Variants in IMPACT observed in about 807,000 individuals in gnomAD.
IMPACT encodes the protein impact RWD domain protein.
A neutral mutation model predicts 47.5 loss-of-function variants in IMPACT; 35 were observed. That is an observed-to-expected ratio of 0.74 (90% confidence interval 0.56 to 0.98). The LOEUF (loss-of-function observed/expected upper bound fraction) is 0.98, where lower values mean the gene tolerates loss of function less well. IMPACT is among the 50% of genes least tolerant of loss of function. The probability of loss-of-function intolerance (pLI) is 0.00; values close to 1 mark genes in which losing one functional copy is unlikely to be tolerated. For missense variants in IMPACT, 373 were observed against 394.8 expected (o/e 0.94, Z 0.47); for synonymous variants, 118 against 125.6 (o/e 0.94, Z 0.40).
In IMPACT at chr18:24,426,785, A is replaced by G. The variant is rs937626952; in HGVS notation, c.29A>G (p.Gln10Arg). The G allele has an allele frequency of 2.4e-6, 3 of 1,240,810 alleles. No individual in the cohort carries two copies. Among genetic ancestry groups the G allele is most frequent in the African/African-American group, 3.1e-5 (2 of 64,370 alleles). 76.9% of individuals were successfully genotyped at this position (1,240,810 alleles called of 1,614,324 possible). MAEGDAGSD[Q>R]RQNEEIEAMA... ...GCTGAGGGGGACGCAGGGAGCGACCAGAGGCAGGTGAGGCCCCGGCGGGGT... is the reference window on the plus strand; with the variant it reads ...GCTGAGGGGGACGCAGGGAGCGACCGGAGGCAGGTGAGGCCCCGGCGGGGT... The change falls in exon 1 of 11, where the codon CAG (glutamine) becomes CGG (arginine). Residue 10 changes from glutamine (Q) to arginine (R), a missense_variant. Coordinates refer to ENST00000284202, the MANE Select transcript of IMPACT (RefSeq NM_018439.4).
At chr18:24,430,295 C>A (rs781635471) in intron 3 of IMPACT, 27 bp from the exon 4 acceptor site, 2 of 1,501,718 alleles carry the variant, frequency 1.3e-6, no homozygotes, top group South Asian at 1.2e-5. Context: ...CTTGAATAAT[C>A]TTCTTAATTG....
intron 8 of IMPACT, among the ~76,000 whole-genome samples, chr18:24,447,201 T>C (rs567788900): frequency 1.3e-5 from 2 of 152,356 alleles, no homozygotes; most frequent in South Asian, 4.1e-4. Context: ...ATGTGACTGC[T>C]GTAAGGTAAC....
At chr18:24,445,830 G>A (rs1476369918) in intron 8 of IMPACT, among the ~76,000 whole-genome samples, 1 of 151,932 alleles carries the variant, frequency 6.6e-6, no homozygotes, top group Non-Finnish European at 1.5e-5. Context: ...TATTTGAGAT[G>A]CCATACTACA....
chr18:24,444,585 T>C (rs1909201409), intron 7 of IMPACT, among the ~76,000 whole-genome samples: 1 of 152,222 alleles, frequency 6.6e-6, no homozygotes, highest in African/African-American at 2.4e-5. Context: ...TCCTTTGTAA[T>C]ATGGCCCTAG....
chr18:24,439,638 A>G (rs1204294272), intron 5 of IMPACT: 2 of 22,282 alleles, frequency 9.0e-5, no homozygotes, highest in Admixed American at 1.0e-3. Flanking sequence ...CTCCGGCTCA[A>G]AAAAAAAAAA....
At chr18:24,427,160 A>G (rs982316857) in intron 1 of IMPACT, 4 of 217,464 alleles carry the variant, frequency 1.8e-5, no homozygotes, top group African/African-American at 6.8e-5. Context: ...CAAAATGGCA[A>G]TAGCCCAGAC....
At chr18:24,427,012 C>G (rs1403217226) in intron 1 of IMPACT, 1 of 393,108 alleles carries the variant, frequency 2.5e-6, no homozygotes, top group South Asian at 1.4e-4. Flanking sequence ...CGGCCTGTCT[C>G]GGACGGTGTC....
chr18:24,427,831 T>G, intron 1 of IMPACT, 88 bp from the exon 2 acceptor site: 1 of 1,276,970 alleles, frequency 7.8e-7, no homozygotes, highest in Non-Finnish European at 1.1e-6. Flanking sequence ...ACTCTGGTAA[T>G]GTTGAATTTG....
rs1909339242 is a variant in IMPACT at position 24,449,928 on chromosome 18, T to G, written c.869T>G (p.Val290Gly). The G allele has an allele frequency of 6.2e-7, 1 of 1,613,946 alleles. No individual in the cohort carries two copies. Residue 290 changes from valine to glycine, a missense_variant, in exon 10 of 11, where the codon GTG becomes GGG. By Grantham distance (109) the Val-to-Gly change is moderately radical. Transcript: ENST00000284202. ...HINNCARNIL[V>G]EKNYTNSPEE... is the part of the protein sequence containing the mutation. ...AACAACTGTGCCAGAAACATACTAG[T>G]GGAAAAGAACTACACAAATTCACCT...
chr18:24,426,839 G>A, intron 1 of IMPACT, 47 bp downstream of exon 1: 1 of 1,207,834 alleles, frequency 8.3e-7, no homozygotes. Flanking sequence ...GCTCCGGCTC[G>A]CCTCGCCATG....
At chr18:24,434,470 A>G (rs1908850817) in intron 4 of IMPACT, among the ~76,000 whole-genome samples, 1 of 152,158 alleles carries the variant, frequency 6.6e-6, no homozygotes, top group Non-Finnish European at 1.5e-5. Flanking sequence ...GGTCAGTTAA[A>G]GAAATACTTA....
chr18:24,449,805 C>G lies in IMPACT; in HGVS notation c.760-14C>G. ...TCTGTCTATGTATCTAATTATGCTT[C>G]CAAAAAATAACAGATTTTGAATGTG... On this transcript the variant is annotated splice_polypyrimidine_tract_variant and intron_variant, in intron 9 of 10. Transcript: ENST00000284202. 6.2e-7 allele frequency: 1 copy of G among 1,607,176 alleles called. No homozygotes were observed. The highest frequency in any genetic ancestry group is 8.5e-7 in the Non-Finnish European group (1 of 1,175,286).
In IMPACT at chr18:24,438,121, T is replaced by G; in HGVS notation, c.367+81T>G. ...TGTAGATACTCTAGTTGAAATTTAATGTGAAAATCTGTATTCTGGTTTATG... is the reference window on the plus strand; with the variant it reads ...TGTAGATACTCTAGTTGAAATTTAAGGTGAAAATCTGTATTCTGGTTTATG... On this transcript the variant is annotated intron_variant, in intron 5 of 10. Coordinates refer to ENST00000284202, the MANE Select transcript of IMPACT (RefSeq NM_018439.4). 9 of 668,812 alleles carry G rather than the reference T, an allele frequency of 1.3e-5. No individual in the cohort carries two copies. In the South Asian group the frequency reaches 1.8e-4, roughly 13 times the overall value. 41.4% of individuals were successfully genotyped at this position (668,812 alleles called of 1,614,324 possible). A position where few individuals can be genotyped will look rare whatever the true frequency, so the allele number is the denominator to read the frequency against.
intron 4 of IMPACT, among the ~76,000 whole-genome samples, chr18:24,430,835 T>C (rs1217936010): frequency 6.6e-6 from 1 of 152,232 alleles, no homozygotes; most frequent in East Asian, 1.9e-4. Context: ...GATACTGCTC[T>C]TGATTTGGTA....
rs568242827 is a variant in IMPACT, at chr18:24,427,604, T to C, written c.37-315T>C. On this transcript the variant is annotated intron_variant, in intron 1 of 10. Transcript: ENST00000284202. ...AAAAGAGAAGGTGGAACAGAGAAGATAGGTTTATCTTTTCACGTGTGAATG... is the reference window on the plus strand; with the variant it reads ...AAAAGAGAAGGTGGAACAGAGAAGACAGGTTTATCTTTTCACGTGTGAATG... 13 of 228,654 alleles carry C rather than the reference T, an allele frequency of 5.7e-5. No individual in the cohort carries two copies. In the South Asian group the frequency reaches 8.5e-4, roughly 15 times the overall value. 14.2% of individuals were successfully genotyped at this position (228,654 alleles called of 1,614,324 possible).
intron 5 of IMPACT, among the ~76,000 whole-genome samples, chr18:24,438,283 G>T (rs1013807184): frequency 6.6e-6 from 1 of 152,136 alleles, no homozygotes; most frequent in Non-Finnish European, 1.5e-5. Context: ...GGCTTTCCAT[G>T]GTTTCAGTTA....
At chr18:24,438,987 A>G (rs1356094175) in intron 5 of IMPACT, among the ~76,000 whole-genome samples, 7 of 152,158 alleles carry the variant, frequency 4.6e-5, no homozygotes, top group Non-Finnish European at 1.0e-4. Flanking sequence ...GGCAAGTCCA[A>G]AATTTGCAGG....
At chr18:24,433,416 G>T (rs1908815847) in intron 4 of IMPACT, among the ~76,000 whole-genome samples, 1 of 148,252 alleles carries the variant, frequency 6.7e-6, no homozygotes. Flanking sequence ...AGCCAGGATG[G>T]TCTCGATCTC....
Position 24,427,986 on chromosome 18 carries a change from A to G in IMPACT, c.104A>G (p.Lys35Arg), listed in dbSNP as rs763997056. The G allele has an allele frequency of 3.5e-5, 56 of 1,602,794 alleles. No homozygotes were observed. In the South Asian group the frequency reaches 6.1e-4, roughly 17 times the overall value. ...EEWCVIDDCA[K>R]IFCIRISDDI... is the part of the protein sequence containing the mutation. ...TGGTGTGTCATTGATGACTGTGCCA[A>G]AATATTTTGTATTAGAATTAGCGAC... Residue 35 changes from lysine to arginine, a missense_variant, in exon 2 of 11, where the codon AAA (lysine) becomes AGA (arginine). Lys to Arg is a conservative substitution (Grantham distance 26). Transcript: ENST00000284202.
Sources: allele counts gnomAD v4.1 joint callset (sites outside exome capture counted in the v4.1 genomes callset), GRCh38; gene constraint gnomAD v4.1.1; transcripts MANE v1.5; gene names NCBI Gene and HGNC (gene_info 2026-07-23, HGNC 2026-07-21).